Variants in UBE2G2 observed in about 807,000 individuals in gnomAD.
The protein encoded by UBE2G2 is ubiquitin-conjugating enzyme E2 G2.
A neutral mutation model predicts 23.0 loss-of-function variants in UBE2G2; 10 were observed. The ratio of observed to expected loss-of-function variants is 0.43; its 90% CI spans 0.27 to 0.74. UBE2G2 has a LOEUF of 0.74. UBE2G2 is among the 30% of genes least tolerant of loss of function. UBE2G2 has a pLI of 0.19. For synonymous variants in UBE2G2, 86 were observed against 81.3 expected, an observed-to-expected ratio of 1.06 and a Z score of -0.31; for missense variants, 150 against 218.3, an observed-to-expected ratio of 0.69 and a Z score of 1.97.
At chr21:44,779,248 G>GT (rs1376004076) in intron 3 of UBE2G2, 1 of 440,602 alleles carries the variant, frequency 2.3e-6, no homozygotes, top group Non-Finnish European at 4.5e-6. Flanking sequence ...GAACAAAGCA[G>GT]TGATTGCTTC....
chr21:44,798,001 C>A (rs2083107289), intron 1 of UBE2G2, among the ~76,000 whole-genome samples: 1 of 151,872 alleles, frequency 6.6e-6, no homozygotes, highest in African/African-American at 2.4e-5. Flanking sequence ...AAGATGAAGA[C>A]AGAAAAATCA....
At chr21:44,793,219 T>C (rs1284620363) in intron 1 of UBE2G2, among the ~76,000 whole-genome samples, 1 of 152,230 alleles carries the variant, frequency 6.6e-6, no homozygotes, top group Non-Finnish European at 1.5e-5. Context: ...AAACACAATG[T>C]CAGTGGGCAA....
chr21:44,795,557 A>G (rs1213665799), intron 1 of UBE2G2, among the ~76,000 whole-genome samples: 2 of 151,890 alleles, frequency 1.3e-5, no homozygotes, highest in African/African-American at 2.4e-5. Context: ...GCTTGAGCCT[A>G]GGAGGCAGAG....
At chr21:44,789,436 C>G (rs1311114535) in intron 1 of UBE2G2, among the ~76,000 whole-genome samples, 2 of 149,194 alleles carry the variant, frequency 1.3e-5, no homozygotes, top group Non-Finnish European at 3.0e-5. Context: ...CTATGAGTTA[C>G]CAAGCCTTCC....
rs558446291 is a variant in UBE2G2 at position 44,771,852 on chromosome 21, G to A, written c.386-363C>T. Among the ~76,000 whole-genome samples the A allele has an allele frequency of 1.3e-5, 2 of 152,300 alleles. No homozygotes were observed. The highest frequency in any genetic ancestry group is 1.3e-4 in the Admixed American group (2 of 15,300). On this transcript the variant is annotated intron_variant, in intron 5 of 5. Transcript: ENST00000345496. The surrounding 1 kb of genome is among the most constrained non-coding windows in gnomAD (Gnocchi z 4.6). ...ACAAGCTACACGGGGACCACCTGCT[G>A]CTTATTTCACCTTTCTCAAGACACT...
At chr21:44,781,984 G>A (rs145566580) in intron 3 of UBE2G2, among the ~76,000 whole-genome samples, 1 of 152,188 alleles carries the variant, frequency 6.6e-6, no homozygotes, top group East Asian at 1.9e-4. Context: ...ACTATAAAGT[G>A]TACTAAATAA....
chr21:44,788,227 T>C (rs1336672070), intron 1 of UBE2G2, 132 bp from the exon 2 acceptor site: 4 of 814,194 alleles, frequency 4.9e-6, no homozygotes, highest in Non-Finnish European at 7.5e-6. Flanking sequence ...AAATTCTGTT[T>C]GCCCAAAGTG....
chr21:44,781,677 C>T lies in UBE2G2; in HGVS notation c.126-4260G>A, dbSNP rs78955082. On this transcript the variant is annotated intron_variant, in intron 3 of 5. Transcript: ENST00000345496. ...ACCAGGATGACATATTTGACCCTCA[C>T]CCCCAGAGCAGGGCCCTGGCTCTGG... Among the ~76,000 whole-genome samples the T allele has an allele frequency of 1.1e-3, 165 of 152,320 alleles. 2 individuals carry two copies. In the East Asian group the frequency reaches 0.022, roughly 20 times the overall value.
chr21:44,791,660 C>T (rs2083046065), intron 1 of UBE2G2, among the ~76,000 whole-genome samples: 2 of 152,342 alleles, frequency 1.3e-5, no homozygotes, highest in Admixed American at 6.5e-5. Context: ...TCATGGAGAA[C>T]ATCTGCTAGG....
At chr21:44,797,853 A>G (rs776257932) in intron 1 of UBE2G2, among the ~76,000 whole-genome samples, 32 of 152,164 alleles carry the variant, frequency 2.1e-4, no homozygotes, top group Non-Finnish European at 4.1e-4. Context: ...GTGTTCACAC[A>G]TCTGACCCAC....
intron 1 of UBE2G2, among the ~76,000 whole-genome samples, chr21:44,796,811 G>A (rs920972410): frequency 3.3e-5 from 5 of 152,332 alleles, no homozygotes; most frequent in African/African-American, 4.8e-5. Flanking sequence ...CCACGGGTCT[G>A]TTGGTCTGGG....
At chr21:44,798,667 A>G (rs1406582354) in intron 1 of UBE2G2, among the ~76,000 whole-genome samples, 1 of 152,354 alleles carries the variant, frequency 6.6e-6, no homozygotes, top group East Asian at 1.9e-4. Flanking sequence ...ACTGAGTGAC[A>G]TCTTCAGGCT....
intron 1 of UBE2G2, among the ~76,000 whole-genome samples, chr21:44,793,728 T>G (rs1292681368): frequency 6.6e-6 from 1 of 152,218 alleles, no homozygotes; most frequent in African/African-American, 2.4e-5. Flanking sequence ...AATAGTGGCT[T>G]AACAAATAGC....
At chr21:44,781,505 T>C (rs1555961332) in intron 3 of UBE2G2, among the ~76,000 whole-genome samples, 1 of 152,234 alleles carries the variant, frequency 6.6e-6, no homozygotes, top group African/African-American at 2.4e-5. Context: ...CTGGCTCTGC[T>C]ATGCCAGGTT....
rs146633911 is a variant in UBE2G2 at position 44,797,640 on chromosome 21, G to A, written c.43+4066C>T. On this transcript the variant is annotated intron_variant, in intron 1 of 5. Transcript: ENST00000345496. ...TGAGGCAGGAGAATGGCATGAACCC[G>A]GGAGGCGGAGCCTGCAGTGAGTCAA... Among the ~76,000 whole-genome samples the A allele has an allele frequency of 1.6e-4, 24 of 146,242 alleles. No individual in the cohort carries two copies. The East Asian group carries it at 3.7e-3, about 23-fold the overall frequency.
At chr21:44,790,108 G>A (rs2083031528) in intron 1 of UBE2G2, among the ~76,000 whole-genome samples, 1 of 152,132 alleles carries the variant, frequency 6.6e-6, no homozygotes, top group Admixed American at 6.6e-5. Flanking sequence ...AATCATAAGG[G>A]TAATGCAAAT....
rs1350493910 is a variant in UBE2G2 at position 44,772,004 on chromosome 21, C to A, written c.386-515G>T. On this transcript the variant is annotated intron_variant, in intron 5 of 5. Transcript: ENST00000345496. The surrounding 1 kb of genome is among the most constrained non-coding windows in gnomAD (Gnocchi z 5.4). ...ACCTGACCCCAGGATACCTGACCCA[C>A]CCCCTAGCCAGCGGCACTGGCAGTC... Among the ~76,000 whole-genome samples the A allele has an allele frequency of 1.3e-5, 2 of 152,224 alleles. No individual in the cohort carries two copies. Among genetic ancestry groups the A allele is most frequent in the African/African-American group, 4.8e-5 (2 of 41,458 alleles).
chr21:44,778,422 T>C (rs1292499194), intron 3 of UBE2G2, among the ~76,000 whole-genome samples: 3 of 152,240 alleles, frequency 2.0e-5, no homozygotes, highest in Non-Finnish European at 4.4e-5. Flanking sequence ...GGACCTATAC[T>C]TTCCTCACGT....
chr21:44,782,316 T>C lies in UBE2G2; in HGVS notation c.126-4899A>G, dbSNP rs138129195. ...GAGAATTTTAAAACACCTAAATAAA[T>C]GGAGAGACAGTCCATGTTCATGGAT... On this transcript the variant is annotated intron_variant, in intron 3 of 5. Transcript: ENST00000345496. Among the ~76,000 whole-genome samples, 698 of 152,330 alleles carry C rather than the reference T, an allele frequency of 4.6e-3. 4 individuals are homozygous for C. The highest frequency in any genetic ancestry group is 0.015 in the African/African-American group (638 of 41,572).
Sources: gnomAD v4.1 joint callset for allele counts (sites outside exome capture counted in the v4.1 genomes callset) on GRCh38, gnomAD v4.1.1 for gene constraint, Gnocchi (gnomAD v3.1) non-coding constraint, MANE v1.5 for transcripts, NCBI Gene and HGNC (gene_info 2026-07-23, HGNC 2026-07-21) for gene names.